The following AKAP9 variants were observed in gnomAD, a reference collection of about 807,000 sequenced individuals.
The protein encoded by AKAP9 is A-kinase anchoring protein 9, also known as A-kinase anchor protein 9.
AKAP9 carries 311 observed loss-of-function variants against 488.5 expected under a neutral mutation model. The ratio of observed to expected loss-of-function variants is 0.64; its 90% CI spans 0.58 to 0.70. The LOEUF (loss-of-function observed/expected upper bound fraction) is 0.70, where lower values mean the gene tolerates loss of function less well. Among genes scored for constraint, AKAP9 ranks in the 30% least tolerant of loss-of-function variants. The probability of loss-of-function intolerance (pLI) is 0.00; values close to 1 mark genes in which losing one functional copy is unlikely to be tolerated. For missense variants in AKAP9, 4,215 were observed against 4,374.5 expected (o/e 0.96, Z 1.03); for synonymous variants, 1,462 against 1,483.5 (o/e 0.99, Z 0.33).
rs908030381 is a variant in AKAP9, at chr7:92,086,285, C to T, written c.9082C>T (p.Leu3028Phe). ...CTCAGACTGGCGAGGTGAACTACTG[C>T]TTGCCCTTCAACAAGTTTTCTTAGA... ...SFSDWRGELL[L>F]ALQQVFLEER... The change falls in exon 37 of 50, where the codon CTT becomes TTT. Residue 3028 changes from leucine to phenylalanine, a missense_variant. By Grantham distance (22) the Leu-to-Phe change is conservative. Around this residue, in one of 5 missense-constraint regions of AKAP9, gnomAD observed 1,476 missense variants for 1,477.4 expected, o/e 1.00. Transcript: ENST00000356239. 5 of 1,614,006 alleles carry T rather than the reference C, an allele frequency of 3.1e-6. No individual in the cohort carries two copies. Among genetic ancestry groups the T allele is most frequent in the Non-Finnish European group, 4.2e-6 (5 of 1,180,010 alleles).
chr7:92,079,643 C>T lies in AKAP9; in HGVS notation c.7510C>T (p.Leu2504Phe), dbSNP rs1813190579. The T allele has an allele frequency of 6.2e-7, 1 of 1,613,912 alleles. No individual in the cohort carries two copies. Among genetic ancestry groups the T allele is most frequent in the Non-Finnish European group, 8.5e-7 (1 of 1,179,956 alleles). Residue 2504 changes from leucine (L) to phenylalanine (F), a missense_variant, in exon 31 of 50, where the codon CTT (leucine) becomes TTT (phenylalanine). Leu to Phe is a conservative substitution (Grantham distance 22). Transcript: ENST00000356239. Reference protein sequence around the residue: ...IINLETRLLQLESTVSAKDLE... With the variant: ...IINLETRLLQFESTVSAKDLE... ...TAATTTGGAAACAAGGTTGCTACAA[C>T]TTGAGAGCACTGTTAGTGCAAAGGA...
At chr7:91,955,642 A>G (rs1327969104) in intron 1 of AKAP9, among the ~76,000 whole-genome samples, 2 of 152,172 alleles carry the variant, frequency 1.3e-5, no homozygotes, top group African/African-American at 2.4e-5. Flanking sequence ...GAGGTCAGTA[A>G]GTATTTGGGT....
At position 92,070,962 on chromosome 7, in the gene AKAP9, G is replaced by A. The variant is rs536744826; in HGVS notation, c.6565G>A (p.Val2189Ile). Reference protein sequence around the residue: ...VEAKPELSLEVQLQAERDAID... With the variant: ...VEAKPELSLEIQLQAERDAID... Reference sequence around the variant, plus strand: ...AGCTAAACCAGAATTGTCCCTAGAAGTACAATTGCAGGCTGAACGAGATGC... The same window carrying A: ...AGCTAAACCAGAATTGTCCCTAGAAATACAATTGCAGGCTGAACGAGATGC... The change falls in exon 28 of 50, where the codon GTA becomes ATA. Residue 2189 changes from valine (V) to isoleucine (I), a missense_variant. Physicochemically the swap from Val to Ile is conservative, Grantham distance 29. This residue lies in a region of AKAP9 where 51 missense variants were observed against 87.3 expected (regional missense o/e 0.58). Coordinates refer to ENST00000356239, the MANE Select transcript of AKAP9 (RefSeq NM_005751.5). 13 of 1,613,968 alleles carry A rather than the reference G, an allele frequency of 8.1e-6. No individual in the cohort carries two copies. In the East Asian group the frequency reaches 8.9e-5, roughly 11 times the overall value.
intron 21 of AKAP9, among the ~76,000 whole-genome samples, chr7:92,051,245 C>G (rs1447941785): frequency 2.0e-5 from 3 of 152,186 alleles, no homozygotes; most frequent in Non-Finnish European, 2.9e-5. Flanking sequence ...TCGTATCACA[C>G]TGTTCCCTTT....
At chr7:92,004,236 G>A (rs1224164146) in intron 8 of AKAP9, among the ~76,000 whole-genome samples, 2 of 152,120 alleles carry the variant, frequency 1.3e-5, no homozygotes, top group South Asian at 2.1e-4. Context: ...GTCAGGTAGC[G>A]TGATGCCTCC....
intron 7 of AKAP9, among the ~76,000 whole-genome samples, chr7:91,997,148 A>G (rs1394001756): frequency 2.0e-5 from 3 of 152,222 alleles, no homozygotes; most frequent in Non-Finnish European, 4.4e-5. Flanking sequence ...GTAATTTAAA[A>G]ATTATTAGGT....
intron 3 of AKAP9, among the ~76,000 whole-genome samples, chr7:91,988,291 C>G (rs866833663): frequency 7.3e-6 from 1 of 136,866 alleles, no homozygotes; most frequent in Admixed American, 7.3e-5. Flanking sequence ...GAGCAAGACC[C>G]CCTCTCAAAA....
intron 1 of AKAP9, among the ~76,000 whole-genome samples, chr7:91,969,387 G>C (rs1794785142): frequency 6.6e-6 from 1 of 152,138 alleles, no homozygotes; most frequent in Non-Finnish European, 1.5e-5. Context: ...TACTCTTCAG[G>C]AGTTGGGTGA....
chr7:92,079,892 C>T lies in AKAP9; in HGVS notation c.7759C>T (p.Gln2587Ter). 1 of 1,613,858 alleles carries T rather than the reference C, an allele frequency of 6.2e-7. No individual in the cohort carries two copies. Among genetic ancestry groups the T allele is most frequent in the Non-Finnish European group, 8.5e-7 (1 of 1,179,894 alleles). Residue 2587 changes from glutamine to a stop codon, truncating the protein, a stop_gained, in exon 31 of 50, where the codon CAG (glutamine) becomes TAG (stop). Coordinates refer to ENST00000356239, the MANE Select transcript of AKAP9 (RefSeq NM_005751.5). LOFTEE classifies it high-confidence loss of function. ...ISSEPERTNIQNLNQLREDEL... is the reference protein window; with the variant it reads ...ISSEPERTNI Reference sequence around the variant, plus strand: ...ATCAGAACCTGAAAGAACAAATATTCAGAATTTAAATCAACTAAGAGAAGA... The same window carrying T: ...ATCAGAACCTGAAAGAACAAATATTTAGAATTTAAATCAACTAAGAGAAGA...
chr7:91,973,454 T>G (rs1795320323), intron 1 of AKAP9, among the ~76,000 whole-genome samples: 1 of 152,202 alleles, frequency 6.6e-6, no homozygotes, highest in Admixed American at 6.5e-5. Context: ...TTATTCTGCC[T>G]AATTCTGGGC....
Position 92,083,230 on chromosome 7 carries a change from G to A in AKAP9, c.8221G>A (p.Ala2741Thr), listed in dbSNP as rs368001901. Residue 2741 changes from alanine to threonine, a missense_variant, in exon 33 of 50, where the codon GCA becomes ACA. This residue lies in a region of AKAP9 where 1,476 missense variants were observed against 1,477.4 expected (regional missense o/e 1.00). Transcript: ENST00000356239. ...CTTAAGCCAAGTTAGGGATCACCTCGCAGAGGCAAAAGAGAAATTGTCCAT... is the reference window on the plus strand; with the variant it reads ...CTTAAGCCAAGTTAGGGATCACCTCACAGAGGCAAAAGAGAAATTGTCCAT... The part of the protein sequence containing the change: ...KDLSQVRDHL[A>T]EAKEKLSILE... The A allele has an allele frequency of 1.8e-5, 29 of 1,613,976 alleles. No homozygotes were observed. The highest frequency in any genetic ancestry group is 4.4e-5 in the South Asian group (4 of 91,060).
chr7:92,034,700 G>C (rs1205461547), intron 16 of AKAP9, among the ~76,000 whole-genome samples: 1 of 150,068 alleles, frequency 6.7e-6, no homozygotes, highest in South Asian at 2.1e-4. Flanking sequence ...GTAGAGATGG[G>C]GTTTCATCAT....
In AKAP9 at chr7:92,045,088, C is replaced by T. The variant is rs533352983; in HGVS notation, c.5243C>T (p.Thr1748Ile). ...AAGACAACAGCAGCTGTTGAAGAAA[C>T]AATTGGTCGCCATGTCCTTGGGATT... ...VVKTTAAVEE[T>I]IGRHVLGILD... is the part of the protein sequence containing the mutation. Residue 1748 changes from threonine to isoleucine, a missense_variant, in exon 21 of 50, where the codon ACA becomes ATA. Physicochemically the swap from Thr to Ile is moderately conservative, Grantham distance 89. Coordinates refer to ENST00000356239, the MANE Select transcript of AKAP9 (RefSeq NM_005751.5). 1 of 1,613,448 alleles carries T rather than the reference C, an allele frequency of 6.2e-7. No homozygotes were observed. Among genetic ancestry groups the T allele is most frequent in the East Asian group, 2.2e-5 (1 of 44,842 alleles).
chr7:92,102,699 G>A lies in AKAP9; in HGVS notation c.11203G>A (p.Ala3735Thr). 3.1e-6 allele frequency: 5 copies of A among 1,614,224 alleles called. No homozygotes were observed. The highest frequency in any genetic ancestry group is 1.3e-5 in the African/African-American group (1 of 75,058). Residue 3735 changes from alanine (A) to threonine (T), a missense_variant, in exon 46 of 50, where the codon GCC becomes ACC. Physicochemically the swap from Ala to Thr is moderately conservative, Grantham distance 58. Around this residue, in one of 5 missense-constraint regions of AKAP9, gnomAD observed 253 missense variants for 266.8 expected, o/e 0.95. Transcript: ENST00000356239. ...LLGGFQECED[A>T]TLALLARMGG... ...GGGTGGGTTCCAGGAATGTGAAGAT[G>A]CCACCTTGGCCCTGCTTGCCCGGAT...
intron 1 of AKAP9, among the ~76,000 whole-genome samples, chr7:91,946,544 A>G (rs776079235): frequency 1.3e-5 from 2 of 151,876 alleles, no homozygotes; most frequent in Non-Finnish European, 2.9e-5. Flanking sequence ...GCTAATTGTT[A>G]AAATTTTTTT....
At chr7:91,963,650 T>C (rs1050965900) in intron 1 of AKAP9, among the ~76,000 whole-genome samples, 2 of 152,126 alleles carry the variant, frequency 1.3e-5, no homozygotes, top group African/African-American at 4.8e-5. Context: ...CCTGAGTAGC[T>C]GGGACTACAG....
intron 1 of AKAP9, among the ~76,000 whole-genome samples, chr7:91,946,936 G>C (rs1791526083): frequency 6.6e-6 from 1 of 152,120 alleles, no homozygotes. Flanking sequence ...ATAGGCTACT[G>C]AATATTGAAA....
chr7:92,081,766 G>C (rs1322131399), intron 31 of AKAP9, among the ~76,000 whole-genome samples: 1 of 151,944 alleles, frequency 6.6e-6, no homozygotes, highest in Non-Finnish European at 1.5e-5. Flanking sequence ...TAGGACAAGA[G>C]CTTTTTTTTC....
intron 10 of AKAP9, among the ~76,000 whole-genome samples, chr7:92,014,804 T>C (rs1801278226): frequency 6.6e-6 from 1 of 152,198 alleles, no homozygotes; most frequent in African/African-American, 2.4e-5. Flanking sequence ...TTAAAAATTT[T>C]CCTGATAATC....
Sources: gnomAD v4.1 joint callset for allele counts (sites outside exome capture counted in the v4.1 genomes callset) on GRCh38, gnomAD v4.1.1 for gene constraint, gnomAD v4.1.1 regional missense constraint, MANE v1.5 for transcripts, NCBI Gene and HGNC (gene_info 2026-07-23, HGNC 2026-07-21) for gene names.